SYTL5: variants seen among roughly 807,000 people sequenced by gnomAD.
SYTL5 encodes the protein synaptotagmin like 5, also known as synaptotagmin-like protein 5.
A neutral mutation model predicts 55.9 loss-of-function variants in SYTL5; 34 were observed. That is an observed-to-expected ratio of 0.61 (90% CI 0.46 to 0.81). The LOEUF (loss-of-function observed/expected upper bound fraction) is 0.81. SYTL5 is among the 30% of genes least tolerant of loss of function. The probability of loss-of-function intolerance (pLI) is 0.00; values close to 1 mark genes in which losing one functional copy is unlikely to be tolerated. For missense variants in SYTL5, 637 were observed against 546.7 expected, an observed-to-expected ratio of 1.17 and a Z score of -1.65; for synonymous variants, 221 against 188.7, an observed-to-expected ratio of 1.17 and a Z score of -1.40.
At chrX:37,921,025 G>T in the SYTL5 span, among the ~76,000 whole-genome samples, 2 of 111,036 alleles carry the variant, frequency 1.8e-5, no homozygotes, top group Non-Finnish European at 3.8e-5. Context: ...GCTCTGTATT[G>T]GTCTTTCATC....
chrX:38,108,908 G>A (rs772845100), intron 12 of SYTL5, among the ~76,000 whole-genome samples: 76 of 112,453 alleles, frequency 6.8e-4, no homozygotes, highest in Non-Finnish European at 1.2e-3. Flanking sequence ...AGTCTACGCT[G>A]CTACTGAATT....
Position 38,106,615 on chromosome X carries a change from G to A in SYTL5, c.1178G>A (p.Ser393Asn), listed in dbSNP as rs752650929. 8.3e-7 allele frequency: 1 copy of A among 1,205,440 alleles called. No homozygotes were observed. Among genetic ancestry groups the A allele is most frequent in the Non-Finnish European group, 1.1e-6 (1 of 893,087 alleles). ...LSTTSLNSMM[S>N]VYSETGDYGN... ...CAGACCAGCCTTAACAGCATGATGA[G>A]CGTTTACAGTGAAACGGGAGACTAT... is the stretch of plus-strand genomic sequence containing the variant. Residue 393 changes from serine (S) to asparagine (N), a missense_variant, in exon 11 of 17, where the codon AGC (serine) becomes AAC (asparagine). Ser to Asn is a conservative substitution (Grantham distance 46). Coordinates refer to ENST00000297875, the MANE Select transcript of SYTL5 (RefSeq NM_138780.3).
intron 13 of SYTL5, among the ~76,000 whole-genome samples, chrX:38,114,396 A>G (rs769894663): frequency 8.9e-6 from 1 of 112,040 alleles, no homozygotes; most frequent in Non-Finnish European, 1.9e-5. Context: ...GTGTTGGAAT[A>G]ACTGTCACCA....
intron 10 of SYTL5, 59 bp from the exon 11 acceptor site, chrX:38,106,534 T>C: frequency 3.0e-6 from 3 of 1,010,214 alleles, no homozygotes; most frequent in Non-Finnish European, 4.0e-6. Flanking sequence ...AATGAGTTGA[T>C]TCTGTGAAGA....
chrX:37,967,367 A>G, the SYTL5 span, among the ~76,000 whole-genome samples: 2 of 111,388 alleles, frequency 1.8e-5, no homozygotes, highest in Non-Finnish European at 3.8e-5. Context: ...TAGTACTTTT[A>G]TTATATTATT....
the SYTL5 span, among the ~76,000 whole-genome samples, chrX:37,999,499 T>C: frequency 8.9e-6 from 1 of 112,088 alleles, no homozygotes; most frequent in East Asian, 2.8e-4. Context: ...TTACATACCA[T>C]GGTTGGGAGT....
chrX:38,011,130 G>A (rs1934166275), intron 1 of SYTL5, among the ~76,000 whole-genome samples: 1 of 112,217 alleles, frequency 8.9e-6, no homozygotes, highest in South Asian at 3.7e-4. Context: ...GCTGTTACAT[G>A]TTGCATCTCC....
chrX:38,027,758 C>CT (rs952761673), intron 1 of SYTL5, among the ~76,000 whole-genome samples: 6 of 109,507 alleles, frequency 5.5e-5, no homozygotes, highest in African/African-American at 1.3e-4. Flanking sequence ...CAAATAAGAC[C>CT]TTTTTTTTAA....
the SYTL5 span, among the ~76,000 whole-genome samples, chrX:37,975,557 A>C: frequency 8.9e-6 from 1 of 111,988 alleles, no homozygotes; most frequent in Non-Finnish European, 1.9e-5. Context: ...ATTGCCATGC[A>C]GGCTTTTGAA....
chrX:37,989,826 T>C, the SYTL5 span, among the ~76,000 whole-genome samples: 1 of 111,113 alleles, frequency 9.0e-6, no homozygotes, highest in Admixed American at 9.5e-5. Flanking sequence ...TGCACTTCTC[T>C]ATCAACTGTT....
chrX:38,056,850 T>C (rs1294597822), intron 3 of SYTL5, among the ~76,000 whole-genome samples: 1 of 111,719 alleles, frequency 9.0e-6, no homozygotes, highest in Non-Finnish European at 1.9e-5. Flanking sequence ...TTTTGTAGAG[T>C]TGTTCAAGCT....
chrX:37,979,929 T>C, the SYTL5 span, among the ~76,000 whole-genome samples: 8 of 110,122 alleles, frequency 7.3e-5, no homozygotes, highest in Non-Finnish European at 1.3e-4. Flanking sequence ...ATCATTTACA[T>C]TAGGTATATC....
At chrX:37,916,366 A>T in the SYTL5 span, among the ~76,000 whole-genome samples, 1 of 112,750 alleles carries the variant, frequency 8.9e-6, no homozygotes, top group Admixed American at 9.4e-5. Flanking sequence ...TACATAAGGA[A>T]AAAGAAGCAT....
intron 3 of SYTL5, among the ~76,000 whole-genome samples, chrX:38,061,140 T>C (rs971335399): frequency 1.8e-5 from 2 of 112,355 alleles, no homozygotes; most frequent in Non-Finnish European, 3.8e-5. Context: ...AATGTGTGAT[T>C]CTAACCCTTC....
At chrX:38,088,752 T>C (rs1329046433) in intron 6 of SYTL5, among the ~76,000 whole-genome samples, 4 of 112,199 alleles carry the variant, frequency 3.6e-5, no homozygotes, top group Non-Finnish European at 7.5e-5. Context: ...TAATCTTTGA[T>C]TAAATATGTA....
chrX:37,943,021 T>C, the SYTL5 span, among the ~76,000 whole-genome samples: 1 of 111,899 alleles, frequency 8.9e-6, no homozygotes, highest in Non-Finnish European at 1.9e-5. Context: ...CTCACATTTC[T>C]CTATGAACAA....
the SYTL5 span, among the ~76,000 whole-genome samples, chrX:37,995,101 G>T: frequency 1.2e-4 from 13 of 109,984 alleles, no homozygotes; most frequent in South Asian, 8.2e-4. Context: ...GGAACTGGCT[G>T]GGATAAAGAC....
At chrX:38,124,002 A>G in intron 15 of SYTL5, among the ~76,000 whole-genome samples, 1 of 111,433 alleles carries the variant, frequency 9.0e-6, no homozygotes, top group East Asian at 2.8e-4. Flanking sequence ...CTTACATGTA[A>G]ACAAAGACTG....
chrX:38,018,958 A>T (rs751186537), intron 1 of SYTL5, among the ~76,000 whole-genome samples: 3 of 112,039 alleles, frequency 2.7e-5, no homozygotes, highest in Non-Finnish European at 3.8e-5. Flanking sequence ...CCTGTCTTTC[A>T]TCCAATCACT....
Sources: gnomAD v4.1 joint callset for allele counts (sites outside exome capture counted in the v4.1 genomes callset) on GRCh38, gnomAD v4.1.1 for gene constraint, MANE v1.5 for transcripts, NCBI Gene and HGNC (gene_info 2026-07-23, HGNC 2026-07-21) for gene names.